Variants in FAT1 observed in about 807,000 individuals in gnomAD.
FAT1 encodes protocadherin Fat 1.
Under a neutral mutation model 329.8 loss-of-function variants are expected in FAT1, and 171 were observed. The ratio of observed to expected loss-of-function variants is 0.52; its 90% CI spans 0.46 to 0.59. The LOEUF (loss-of-function observed/expected upper bound fraction) is 0.59, where lower values mean the gene tolerates loss of function less well. FAT1 is among the 20% of genes least tolerant of loss of function. FAT1 has a pLI of 0.00. For missense variants in FAT1, 5,672 were observed against 5,774.4 expected (o/e 0.98, Z 0.57); for synonymous variants, 2,233 against 2,228.6 (o/e 1.00, Z -0.06).
chr4:186,712,306 C>A (rs752879883), intron 1 of FAT1, among the ~76,000 whole-genome samples: 62 of 152,052 alleles, frequency 4.1e-4, no homozygotes, highest in Admixed American at 1.6e-3. Flanking sequence ...TCTGGAGAAC[C>A]GGTAGAGAAA....
Position 186,706,577 on chromosome 4 carries a change from A to G in FAT1, c.3251T>C (p.Ile1084Thr), listed in dbSNP as rs1338288596. 3.1e-6 allele frequency: 5 copies of G among 1,606,326 alleles called. No homozygotes were observed. The African/African-American group carries it at 5.4e-5, about 17-fold the overall frequency. Residue 1084 changes from isoleucine (I) to threonine (T), a missense_variant, in exon 2 of 27, where the codon ATA (isoleucine) becomes ACA (threonine). Transcript: ENST00000441802. ...RDGSGVGVFK[I>T]GEETGVIETS... ...AACATATTTACCTGTCTCTTCACCTATTTTGAAAACACCAACGCCAGAGCC... is the reference window on the plus strand; with the variant it reads ...AACATATTTACCTGTCTCTTCACCTGTTTTGAAAACACCAACGCCAGAGCC...
intron 7 of FAT1, among the ~76,000 whole-genome samples, chr4:186,629,618 A>T (rs529094574): frequency 6.6e-6 from 1 of 152,342 alleles, no homozygotes; most frequent in South Asian, 2.1e-4. Flanking sequence ...GAACAAAGGG[A>T]TCTGCTGGTC....
chr4:186,707,910 A>G lies in FAT1; in HGVS notation c.1918T>C (p.Phe640Leu), dbSNP rs780323056. 1 of 1,613,986 alleles carries G rather than the reference A, an allele frequency of 6.2e-7. No individual in the cohort carries two copies. Among genetic ancestry groups the G allele is most frequent in the Non-Finnish European group, 8.5e-7 (1 of 1,179,896 alleles). The change falls in exon 2 of 27, where the codon TTC (phenylalanine) becomes CTC (leucine). Residue 640 changes from phenylalanine to leucine, a missense_variant. Phe to Leu is a conservative substitution (Grantham distance 22, BLOSUM62 0). Coordinates refer to ENST00000441802, the MANE Select transcript of FAT1 (RefSeq NM_005245.4). The part of the protein sequence containing the change: ...LMDGLGAKVS[F>L]HSLRITATDG... ...GTAGCTGTGATTCTCAGACTGTGGA[A>G]AGACACCTTTGCACCTAAGCCATCC...
chr4:186,620,736 T>C lies in FAT1; in HGVS notation c.5850A>G (p.Leu1950=), dbSNP rs765547874. The change falls in exon 10 of 27, where the codon CTA becomes CTG. Residue 1950 remains leucine, a synonymous_variant. Transcript: ENST00000441802. ...NTTQLRSRYE[L]TVRASDGRFA... Reference sequence around the variant, plus strand: ...ATCTGCCATCGGAAGCTCTAACGGTTAGCTCGTAGCGGCTTCTTAACTGAG... The same window carrying C: ...ATCTGCCATCGGAAGCTCTAACGGTCAGCTCGTAGCGGCTTCTTAACTGAG... 3 of 1,614,022 alleles carry C rather than the reference T, an allele frequency of 1.9e-6. No homozygotes were observed. The highest frequency in any genetic ancestry group is 2.5e-6 in the Non-Finnish European group (3 of 1,179,892).
At chr4:186,591,415 T>G (rs933303786) in intron 26 of FAT1, among the ~76,000 whole-genome samples, 1 of 152,238 alleles carries the variant, frequency 6.6e-6, no homozygotes, top group African/African-American at 2.4e-5. Flanking sequence ...TTAGGTAACA[T>G]GTATCTACAG....
chr4:186,619,378 G>T lies in FAT1; in HGVS notation c.7208C>A (p.Ala2403Asp), dbSNP rs1739907939. 1 of 1,614,016 alleles carries T rather than the reference G, an allele frequency of 6.2e-7. No individual in the cohort carries two copies. The change falls in exon 10 of 27, where the codon GCC (alanine) becomes GAC (aspartate). Residue 2403 changes from alanine to aspartate, a missense_variant. Ala to Asp is a moderately radical substitution (Grantham distance 126). Transcript: ENST00000441802. ...QIYEARISEH[A>D]PHGHFVTCVK... ...ACAGGTCACGAAATGCCCATGAGGG[G>T]CGTGCTCGCTAATTCTGGCTTCATA... is the stretch of plus-strand genomic sequence containing the variant.
At chr4:186,647,246 T>C (rs184009165) in intron 3 of FAT1, among the ~76,000 whole-genome samples, 2 of 152,322 alleles carry the variant, frequency 1.3e-5, no homozygotes, top group East Asian at 3.9e-4. Context: ...CCACCACTAA[T>C]TATGTGTTTC....
chr4:186,616,683 G>A (rs1012623161), intron 11 of FAT1, among the ~76,000 whole-genome samples: 15 of 152,238 alleles, frequency 9.9e-5, no homozygotes, highest in South Asian at 6.2e-4. Flanking sequence ...TTTGTTTCCC[G>A]TCAGATCCTT....
chr4:186,613,378 A>G, intron 12 of FAT1, 36 bp from the exon 13 acceptor site: 3 of 1,508,068 alleles, frequency 2.0e-6, no homozygotes, highest in Non-Finnish European at 2.8e-6. Context: ...CTTGTAATTT[A>G]AGACGTGACT....
intron 1 of FAT1, among the ~76,000 whole-genome samples, chr4:186,715,641 T>C (rs1428017792): frequency 6.6e-6 from 1 of 152,192 alleles, no homozygotes; most frequent in African/African-American, 2.4e-5. Context: ...CCTTATCGCC[T>C]AGACTCCTTT....
upstream of FAT1, among the ~76,000 whole-genome samples, chr4:186,725,079 C>T (rs529865680): frequency 6.6e-6 from 1 of 152,182 alleles, no homozygotes; most frequent in Non-Finnish European, 1.5e-5. The surrounding 1 kb of genome is among the most constrained non-coding windows in gnomAD (Gnocchi z 5.4). Flanking sequence ...GCCCTATATT[C>T]CCTGCCCACC....
Position 186,601,417 on chromosome 4 carries a change from G to T in FAT1, c.11492C>A (p.Ser3831Tyr), listed in dbSNP as rs757858522. The change falls in exon 21 of 27, where the codon TCT becomes TAT. Residue 3831 changes from serine to tyrosine, a missense_variant. Ser to Tyr is a moderately radical substitution (Grantham distance 144, BLOSUM62 -2). This residue lies in a region of FAT1 where 1,706 missense variants were observed against 1,859.1 expected (regional missense o/e 0.92). Coordinates refer to ENST00000441802, the MANE Select transcript of FAT1 (RefSeq NM_005245.4). ...GRFGQCPGSS[S>Y]MTLTGNSYVK... ...GTAGCTGTTTCCAGTCAGTGTCATA[G>T]ATGAACTCCCTGTGAATCACACAGA... 1.9e-6 allele frequency: 3 copies of T among 1,611,290 alleles called. No homozygotes were observed. Among genetic ancestry groups the T allele is most frequent in the Non-Finnish European group, 2.5e-6 (3 of 1,177,652 alleles).
chr4:186,588,791 T>C lies in FAT1; in HGVS notation c.13568A>G (p.Tyr4523Cys). 6.2e-7 allele frequency: 1 copy of C among 1,614,014 alleles called. No individual in the cohort carries two copies. The highest frequency in any genetic ancestry group is 1.3e-5 in the African/African-American group (1 of 75,044). The change falls in exon 27 of 27, where the codon TAT becomes TGT. Residue 4523 changes from tyrosine (Y) to cysteine (C), a missense_variant. By Grantham distance (194) the Tyr-to-Cys change is radical. Transcript: ENST00000441802. The stretch of plus-strand genomic sequence containing the variant: ...AGCGGGCGCCTCGAAGTGTCTTTGA[T>C]ACCCTGGCGGGTAAGGGGCATGGGG... Reference protein sequence around the residue: ...REPHAPYPPGYQRHFEAPAVE... With the variant: ...REPHAPYPPGCQRHFEAPAVE...
chr4:186,701,395 T>G (rs1238964541), intron 2 of FAT1, among the ~76,000 whole-genome samples: 2 of 152,190 alleles, frequency 1.3e-5, no homozygotes, highest in Non-Finnish European at 2.9e-5. Context: ...AACGAGCTTC[T>G]TTTCTCTTAA....
chr4:186,644,122 T>C (rs930480617), intron 3 of FAT1, among the ~76,000 whole-genome samples: 8 of 152,216 alleles, frequency 5.3e-5, no homozygotes, highest in Non-Finnish European at 1.2e-4. Flanking sequence ...TTTCGTTCTC[T>C]TGAGGCTCAG....
At chr4:186,724,589 A>G (rs1208262863), upstream of FAT1, among the ~76,000 whole-genome samples, 3 of 152,160 alleles carry the variant, frequency 2.0e-5, no homozygotes, top group Non-Finnish European at 2.9e-5. The surrounding 1 kb of genome is among the most constrained non-coding windows in gnomAD (Gnocchi z 5.3). Context: ...CCAGGCCGAC[A>G]ACTGCAAGTT....
intron 2 of FAT1, among the ~76,000 whole-genome samples, chr4:186,665,108 A>G (rs1489300585): frequency 3.3e-5 from 5 of 152,232 alleles, no homozygotes; most frequent in Non-Finnish European, 7.3e-5. Flanking sequence ...TTATCATAAA[A>G]TGAATCTTTA....
At chr4:186,687,734 A>G (rs1183135440) in intron 2 of FAT1, among the ~76,000 whole-genome samples, 1 of 152,222 alleles carries the variant, frequency 6.6e-6, no homozygotes, top group Non-Finnish European at 1.5e-5. Flanking sequence ...CTCAACTTCT[A>G]TTAGTCTGTC....
intron 26 of FAT1, 111 bp from the exon 27 acceptor site, chr4:186,589,331 A>C: frequency 8.2e-7 from 1 of 1,212,872 alleles, no homozygotes; most frequent in Non-Finnish European, 1.1e-6. Context: ...TTATGCCTTC[A>C]TTCAAAGTTC....
Sources: gnomAD v4.1 joint callset for allele counts (sites outside exome capture counted in the v4.1 genomes callset) on GRCh38, gnomAD v4.1.1 for gene constraint, gnomAD v4.1.1 regional missense constraint, Gnocchi (gnomAD v3.1) non-coding constraint, MANE v1.5 for transcripts, NCBI Gene and HGNC (gene_info 2026-07-23, HGNC 2026-07-21) for gene names.